The following CUL1 variants were observed in gnomAD, a reference collection of about 807,000 sequenced individuals.
The protein encoded by CUL1 is cullin-1.
CUL1 carries 24 observed loss-of-function variants against 118.0 expected under a neutral mutation model. The observed-to-expected ratio is 0.20, with a 90% confidence interval of 0.15 to 0.29. The LOEUF is 0.29. Among genes scored for constraint, CUL1 ranks in the 10% least tolerant of loss-of-function variants. The pLI is 1.00. For missense variants in CUL1, 361 were observed against 933.8 expected, an observed-to-expected ratio of 0.39 and a Z score of 7.99; for synonymous variants, 332 against 340.4, an observed-to-expected ratio of 0.98 and a Z score of 0.27.
chr7:148,715,834 G>A (rs562230940), intron 1 of CUL1, among the ~76,000 whole-genome samples: 2 of 151,878 alleles, frequency 1.3e-5, no homozygotes, highest in African/African-American at 4.8e-5. Flanking sequence ...GCTTCTTCTC[G>A]TAACTTATCT....
Position 148,765,726 on chromosome 7 carries a change from A to G in CUL1, c.790-835A>G, listed in dbSNP as rs189396763. ...TCTCTTTACTCAGATCACCTGAATA[A>G]TTTATTGAAATTTCTTCCTTGCTTT... On this transcript the variant is annotated intron_variant, in intron 7 of 21. Transcript: ENST00000325222. 2.6e-4 allele frequency among the ~76,000 whole-genome samples: 39 copies of G among 152,342 alleles called. No individual in the cohort carries two copies. The East Asian group carries it at 6.7e-3, about 26-fold the overall frequency.
chr7:148,715,354 C>A (rs1158525027), intron 1 of CUL1, among the ~76,000 whole-genome samples: 1 of 151,358 alleles, frequency 6.6e-6, no homozygotes, highest in African/African-American at 2.4e-5. Flanking sequence ...TCATTGCTTT[C>A]TACTCGTTCA....
At chr7:148,707,835 T>G (rs992466328) in intron 1 of CUL1, among the ~76,000 whole-genome samples, 1 of 152,246 alleles carries the variant, frequency 6.6e-6, no homozygotes. Flanking sequence ...TGTACTTGAT[T>G]CATTAGATTG....
intron 2 of CUL1, among the ~76,000 whole-genome samples, chr7:148,746,969 G>C (rs779988997): frequency 2.6e-5 from 4 of 152,132 alleles, no homozygotes; most frequent in Admixed American, 2.6e-4. Context: ...AGCTTGTTAC[G>C]AGTTTTTTGC....
intron 1 of CUL1, among the ~76,000 whole-genome samples, chr7:148,708,414 C>G (rs1797953163): frequency 6.6e-6 from 1 of 152,236 alleles, no homozygotes; most frequent in Non-Finnish European, 1.5e-5. Flanking sequence ...ACTAGTTCCT[C>G]CCCCATAACA....
chr7:148,779,995 C>G (rs1800565908), intron 9 of CUL1, among the ~76,000 whole-genome samples: 1 of 152,218 alleles, frequency 6.6e-6, no homozygotes, highest in South Asian at 2.1e-4. Flanking sequence ...TGCCCTCGAA[C>G]GTCAGACTCC....
rs199913193 is a variant in CUL1, at chr7:148,754,165, A to G, written c.315+15A>G. 297 of 1,487,522 alleles carry G rather than the reference A, an allele frequency of 2.0e-4. 5 individuals are homozygous for G. In the South Asian group the frequency reaches 3.1e-3, roughly 16 times the overall value. The allele number at this position is 1,487,522 out of a possible 1,614,324, so 92.1% of individuals were successfully genotyped here. On this transcript the variant is annotated intron_variant, in intron 3 of 21. Transcript: ENST00000325222. Reference sequence around the variant, plus strand: ...ATCTTCTTAAGGTAAGATGTTTTATATATATACTGAGTATTCATAACAGGA... The same window carrying G: ...ATCTTCTTAAGGTAAGATGTTTTATGTATATACTGAGTATTCATAACAGGA...
In CUL1 at chr7:148,800,684, C is replaced by A; in HGVS notation, c.*102C>A. The stretch of plus-strand genomic sequence containing the variant: ...TAGCAGCCAGCCTGCCGCCATTGGA[C>A]CTCCCTTTTAAAAACTGAGACCAAG... On this transcript the variant is annotated 3_prime_UTR_variant, in exon 22 of 22. Transcript: ENST00000325222. This position sits in a 1 kb window ranked among gnomAD's most constrained non-coding sequence, Gnocchi z 4.6. 2 of 882,612 alleles carry A rather than the reference C, an allele frequency of 2.3e-6. No individual in the cohort carries two copies. The highest frequency in any genetic ancestry group is 3.6e-6 in the Non-Finnish European group (2 of 555,692). The allele number at this position is 882,612 out of a possible 1,614,324, so 54.7% of individuals were successfully genotyped here. A position where few individuals can be genotyped will look rare whatever the true frequency, so the allele number is the denominator to read the frequency against.
chr7:148,713,021 G>A (rs1323989194), intron 1 of CUL1, among the ~76,000 whole-genome samples: 1 of 151,948 alleles, frequency 6.6e-6, no homozygotes, highest in Non-Finnish European at 1.5e-5. Context: ...TTCTTTATTT[G>A]ATTTTTTAAA....
rs1440347184 is a variant in CUL1, at chr7:148,787,066, C to G, written c.1425C>G (p.Val475=). 3 of 1,613,780 alleles carry G rather than the reference C, an allele frequency of 1.9e-6. No homozygotes were observed. The highest frequency in any genetic ancestry group is 2.5e-6 in the Non-Finnish European group (3 of 1,179,848). ...FYAKMLAKRL[V]HQNSASDDAE... Reference sequence around the variant, plus strand: ...CGAAGATGCTCGCCAAGAGGCTCGTCCACCAGAACAGTGCAAGTGACGATG... The same window carrying G: ...CGAAGATGCTCGCCAAGAGGCTCGTGCACCAGAACAGTGCAAGTGACGATG... The change falls in exon 13 of 22, where the codon GTC becomes GTG. Residue 475 remains valine, a synonymous_variant. Transcript: ENST00000325222. This position sits in a 1 kb window ranked among gnomAD's most constrained non-coding sequence, Gnocchi z 5.5.
intron 7 of CUL1, among the ~76,000 whole-genome samples, chr7:148,762,410 G>A (rs1235908374): frequency 6.6e-6 from 1 of 152,150 alleles, no homozygotes; most frequent in Non-Finnish European, 1.5e-5. Context: ...GGAACTATTC[G>A]GGGTATTATA....
chr7:148,718,510 A>G (rs1188177030), intron 1 of CUL1, among the ~76,000 whole-genome samples: 1 of 152,066 alleles, frequency 6.6e-6, no homozygotes, highest in African/African-American at 2.4e-5. Context: ...GCATTCATTT[A>G]GTGTTAATAT....
chr7:148,749,742 A>G (rs953565233), intron 2 of CUL1, among the ~76,000 whole-genome samples: 2 of 152,192 alleles, frequency 1.3e-5, no homozygotes, highest in Non-Finnish European at 2.9e-5. Flanking sequence ...GAAGAGTTGC[A>G]TTTCTCTCAC....
intron 1 of CUL1, among the ~76,000 whole-genome samples, chr7:148,707,578 C>T (rs1009638605): frequency 6.6e-5 from 10 of 151,894 alleles, no homozygotes; most frequent in Admixed American, 3.9e-4. Flanking sequence ...TTTGCTGCAC[C>T]GATCAACCCA....
intron 9 of CUL1, among the ~76,000 whole-genome samples, chr7:148,771,783 T>C (rs1223850764): frequency 1.3e-5 from 2 of 152,146 alleles, no homozygotes; most frequent in Non-Finnish European, 2.9e-5. Flanking sequence ...ACCCCATGCA[T>C]GATTGCTGGC....
intron 2 of CUL1, among the ~76,000 whole-genome samples, chr7:148,747,969 C>T (rs117102605): frequency 2.6e-3 from 392 of 152,066 alleles, no homozygotes; most frequent in Non-Finnish European, 4.4e-3. Flanking sequence ...GAAAGGGGAC[C>T]GGAAATATTT....
chr7:148,707,907 C>T (rs892686806), intron 1 of CUL1, among the ~76,000 whole-genome samples: 4 of 152,082 alleles, frequency 2.6e-5, no homozygotes, highest in Non-Finnish European at 5.9e-5. Flanking sequence ...GGATGTCTTG[C>T]GTTAGAGGAG....
At chr7:148,746,465 A>T (rs1799313011) in intron 2 of CUL1, among the ~76,000 whole-genome samples, 1 of 152,210 alleles carries the variant, frequency 6.6e-6, no homozygotes, top group African/African-American at 2.4e-5. Flanking sequence ...AAAGCTCAGG[A>T]TCAGACTTAG....
intron 1 of CUL1, among the ~76,000 whole-genome samples, chr7:148,725,143 C>T (rs1273215270): frequency 6.6e-6 from 1 of 152,064 alleles, no homozygotes; most frequent in African/African-American, 2.4e-5. Context: ...TCACCAGACA[C>T]TTGAGTGACG....
Sources: gnomAD v4.1 joint callset for allele counts (sites outside exome capture counted in the v4.1 genomes callset) on GRCh38, gnomAD v4.1.1 for gene constraint, Gnocchi (gnomAD v3.1) non-coding constraint, MANE v1.5 for transcripts, NCBI Gene and HGNC (gene_info 2026-07-23, HGNC 2026-07-21) for gene names.